STAC2: variants seen among roughly 807,000 people sequenced by gnomAD.
STAC2 encodes the protein SH3 and cysteine-rich domain-containing protein 2.
A neutral mutation model predicts 49.0 loss-of-function variants in STAC2; 36 were observed. That is an observed-to-expected ratio of 0.74 (90% CI 0.56 to 0.97). The LOEUF (loss-of-function observed/expected upper bound fraction) is 0.97, where lower values mean the gene tolerates loss of function less well. STAC2 is among the 50% of genes least tolerant of loss of function. The pLI, the probability that STAC2 is intolerant of heterozygous loss-of-function variation, is 0.00. For synonymous variants in STAC2, 239 were observed against 214.7 expected (o/e 1.11, Z -0.99); for missense variants, 527 against 543.8 (o/e 0.97, Z 0.31).
chr17:39,212,225 C>T lies in STAC2; in HGVS notation c.*67G>A, dbSNP rs573856502. ...TATGGAGTGGACAAGGGGGCCTGAT[C>T]CCCTCCCTGGCCAGAAGCAAGGTCC... On this transcript the variant is annotated 3_prime_UTR_variant, in exon 11 of 11. Transcript: ENST00000333461. 2 of 1,204,586 alleles carry T rather than the reference C, an allele frequency of 1.7e-6. No homozygotes were observed. Among genetic ancestry groups the T allele is most frequent in the East Asian group, 2.5e-5 (1 of 39,744 alleles). The allele number at this position is 1,204,586 out of a possible 1,614,324, so 74.6% of individuals were successfully genotyped here. A position where few individuals can be genotyped will look rare whatever the true frequency, so the allele number is the denominator to read the frequency against.
intron 3 of STAC2, 42 bp downstream of exon 3, chr17:39,217,034 G>A (rs1320293373): frequency 1.2e-6 from 2 of 1,610,826 alleles, no homozygotes; most frequent in Admixed American, 1.7e-5. Flanking sequence ...TGACAGTACT[G>A]GCAGCACTCA....
At chr17:39,218,752 G>GA (rs11390252) in intron 1 of STAC2, among the ~76,000 whole-genome samples, 25,025 of 146,132 alleles carry the variant, frequency 0.17, 4,018 homozygotes, top group African/African-American at 0.43. Flanking sequence ...CTCAAGTTTA[G>GA]AAAAAAAAAA....
chr17:39,217,208 C>T, intron 2 of STAC2, 35 bp from the exon 3 acceptor site: 1 of 1,600,048 alleles, frequency 6.2e-7, no homozygotes. Flanking sequence ...TTGAGGACAC[C>T]CCCGTGGGCA....
chr17:39,217,831 C>T (rs2046419530), intron 2 of STAC2, 36 bp downstream of exon 2: 2 of 1,570,008 alleles, frequency 1.3e-6, no homozygotes, highest in Non-Finnish European at 1.7e-6. Context: ...CCACGCTGGC[C>T]CCTCCCCGTG....
chr17:39,216,980 C>A (rs1457373879), intron 3 of STAC2, 80 bp from the exon 4 acceptor site: 6 of 1,585,698 alleles, frequency 3.8e-6, no homozygotes, highest in Admixed American at 1.8e-5. Flanking sequence ...CCAGGGCCCA[C>A]CCCACAGGAA....
Position 39,214,817 on chromosome 17 carries a change from G to T in STAC2, c.817C>A (p.Pro273Thr), listed in dbSNP as rs770553946. The change falls in exon 7 of 11, where the codon CCA (proline) becomes ACA (threonine). Residue 273 changes from proline to threonine, a missense_variant. Transcript: ENST00000333461. The part of the protein sequence containing the change: ...TAPAESEGPG[P>T]EEKSPGQQLP... ...TGCTGTCCAGGACTCTTCTCCTCTG[G>T]TCCTGGCCCTTCACTCTCTGCTGGG... The T allele has an allele frequency of 1.9e-6, 3 of 1,614,072 alleles. No individual in the cohort carries two copies. The highest frequency in any genetic ancestry group is 2.5e-6 in the Non-Finnish European group (3 of 1,179,992).
At chr17:39,219,213 C>T (rs188681773) in intron 1 of STAC2, among the ~76,000 whole-genome samples, 2 of 152,290 alleles carry the variant, frequency 1.3e-5, no homozygotes, top group South Asian at 4.1e-4. Context: ...GTCCTTCCAA[C>T]CTGTGCCTTT....
intron 4 of STAC2, among the ~76,000 whole-genome samples, chr17:39,215,503 C>G (rs1229688043): frequency 6.6e-6 from 1 of 152,220 alleles, no homozygotes; most frequent in Non-Finnish European, 1.5e-5. Flanking sequence ...GTCTCCATCA[C>G]CACTGCTAGC....
rs1340807190 is a variant in STAC2, at chr17:39,225,379, G to A, written c.90+34C>T. Reference sequence around the variant, plus strand: ...CGCCGGGAAGAGGGCGCCCGGGCCCGGGGCGCGGACAGGCCTTGCGCCCCC... The same window carrying A: ...CGCCGGGAAGAGGGCGCCCGGGCCCAGGGCGCGGACAGGCCTTGCGCCCCC... On this transcript the variant is annotated intron_variant, in intron 1 of 10. Transcript: ENST00000333461. This position sits in a 1 kb window ranked among gnomAD's most constrained non-coding sequence, Gnocchi z 8.2. 1 of 1,560,084 alleles carries A rather than the reference G, an allele frequency of 6.4e-7. No homozygotes were observed. The highest frequency in any genetic ancestry group is 1.4e-5 in the African/African-American group (1 of 71,118).
Position 39,217,128 on chromosome 17 carries a change from A to G in STAC2, c.443T>C (p.Val148Ala). ...GLRCKMCKVS[V>A]HLWCSEEISH... The stretch of plus-strand genomic sequence containing the variant: ...GATCTCCTCAGAGCACCAGAGGTGG[A>G]CGCTGACTTTGCACATCTTACATCG... Residue 148 changes from valine (V) to alanine (A), a missense_variant, in exon 3 of 11, where the codon GTC becomes GCC. Coordinates refer to ENST00000333461, the MANE Select transcript of STAC2 (RefSeq NM_198993.5). 6.2e-7 allele frequency: 1 copy of G among 1,614,052 alleles called. No homozygotes were observed. Among genetic ancestry groups the G allele is most frequent in the Non-Finnish European group, 8.5e-7 (1 of 1,179,976 alleles).
Position 39,214,455 on chromosome 17 carries a change from G to C in STAC2, c.844-125C>G, listed in dbSNP as rs1005957112. The C allele has an allele frequency of 8.0e-6, 12 of 1,505,508 alleles. No individual in the cohort carries two copies. In the Admixed American group the frequency reaches 1.3e-4, roughly 16 times the overall value. The allele number at this position is 1,505,508 out of a possible 1,614,324, so 93.3% of individuals were successfully genotyped here. On this transcript the variant is annotated intron_variant, in intron 7 of 10. Transcript: ENST00000333461. ...CACAGTGAGTCCTAGGTCAACGGCA[G>C]GGAGAAGTGAGACCCTCGTACATGC...
chr17:39,213,207 G>C, intron 9 of STAC2, 75 bp from the exon 10 acceptor site: 1 of 1,578,990 alleles, frequency 6.3e-7, no homozygotes, highest in Non-Finnish European at 8.6e-7. Context: ...CTCCAGACCC[G>C]GTTCCCACTC....
chr17:39,212,484 TG>T, intron 10 of STAC2, 88 bp from the exon 11 acceptor site: 1 of 899,610 alleles, frequency 1.1e-6, no homozygotes. Flanking sequence ...GGACCCACCC[TG>T]GGGGATGATG....
At chr17:39,218,567 T>C (rs559974539) in intron 1 of STAC2, among the ~76,000 whole-genome samples, 1 of 152,284 alleles carries the variant, frequency 6.6e-6, no homozygotes, top group South Asian at 2.1e-4. Context: ...TAGAAACAAG[T>C]TTAAGTGGTT....
intron 8 of STAC2, 51 bp downstream of exon 8, chr17:39,214,182 G>A: frequency 6.3e-7 from 1 of 1,598,004 alleles, no homozygotes; most frequent in Non-Finnish European, 8.6e-7. Context: ...GTGTTTCAAG[G>A]TCTGGGAGCG....
At chr17:39,217,319 A>T (rs1340156381) in intron 2 of STAC2, 146 bp from the exon 3 acceptor site, 1 of 724,154 alleles carries the variant, frequency 1.4e-6, no homozygotes, top group East Asian at 2.7e-5. Flanking sequence ...CAGTCAGGGT[A>T]TGAGGGAGCA....
At chr17:39,218,325 G>T (rs2046429039) in intron 1 of STAC2, 152 bp from the exon 2 acceptor site, 2 of 772,506 alleles carry the variant, frequency 2.6e-6, no homozygotes, top group Non-Finnish European at 4.2e-6. Flanking sequence ...AACAGCAACA[G>T]AGAGGCTCCC....
rs752460902 is a variant in STAC2 at position 39,217,912 on chromosome 17, A to G, written c.352T>C (p.Phe118Leu). The change falls in exon 2 of 11, where the codon TTC (phenylalanine) becomes CTC (leucine). Residue 118 changes from phenylalanine (F) to leucine (L), a missense_variant. Physicochemically the swap from Phe to Leu is conservative, Grantham distance 22. Coordinates refer to ENST00000333461, the MANE Select transcript of STAC2 (RefSeq NM_198993.5). The stretch of plus-strand genomic sequence containing the variant: ...AGCTCACAAGGGCTAGCTCGCTTGA[A>G]GACATGTTCCTGGAAGCTGTGCAGC... ...VRLHSFQEHV[F>L]KRASPCELCH... 99 of 1,607,234 alleles carry G rather than the reference A, an allele frequency of 6.2e-5. No homozygotes were observed. The highest frequency in any genetic ancestry group is 5.1e-4 in the South Asian group (46 of 89,840).
In STAC2 at chr17:39,225,508, G is replaced by A. The variant is rs757210920; in HGVS notation, c.-6C>T. ...TTCTCGCTCATCTCGGTCATGGTTC[G>A]GGGAGAGGGGAGGAGAGGGTGCCGA... is the stretch of plus-strand genomic sequence containing the variant. On this transcript the variant is annotated 5_prime_UTR_variant, in exon 1 of 11. Transcript: ENST00000333461. This position sits in a 1 kb window ranked among gnomAD's most constrained non-coding sequence, Gnocchi z 8.2. 1 of 1,610,014 alleles carries A rather than the reference G, an allele frequency of 6.2e-7. No individual in the cohort carries two copies. The highest frequency in any genetic ancestry group is 2.2e-5 in the East Asian group (1 of 44,594).
Sources: allele counts gnomAD v4.1 joint callset (sites outside exome capture counted in the v4.1 genomes callset), GRCh38; gene constraint gnomAD v4.1.1; non-coding constraint Gnocchi (gnomAD v3.1); transcripts MANE v1.5; gene names NCBI Gene and HGNC (gene_info 2026-07-23, HGNC 2026-07-21).